The following SPDYE10 variants were observed in gnomAD, a reference collection of about 807,000 sequenced individuals.
SPDYE10 encodes speedy protein E10.
At chr7:73,150,925 T>A in the SPDYE10 span, among the ~76,000 whole-genome samples, 1 of 21,094 alleles carries the variant, frequency 4.7e-5, no homozygotes, top group Non-Finnish European at 7.9e-5. Flanking sequence ...TATATATATA[T>A]ATATATATAT....
chr7:73,123,872 C>T, the SPDYE10 span, among the ~76,000 whole-genome samples: 86 of 144,972 alleles, frequency 5.9e-4, no homozygotes, highest in Non-Finnish European at 2.8e-4. Context: ...ACAACCTCTG[C>T]CTCAAGAGTC....
At chr7:73,134,545 G>GAAAGAAAGAAAGA in the SPDYE10 span, among the ~76,000 whole-genome samples, 10 of 152,068 alleles carry the variant, frequency 6.6e-5, no homozygotes, top group South Asian at 2.1e-4. Context: ...GAAAAAGAAA[G>GAAAGAAAGAAAGA]AAAGAAAGAA....
the SPDYE10 span, among the ~76,000 whole-genome samples, chr7:73,149,664 C>A: frequency 2.0e-5 from 3 of 151,462 alleles, no homozygotes; most frequent in Non-Finnish European, 4.4e-5. Context: ...ATGTGTGTGG[C>A]TGCACTCAGT....
the SPDYE10 span, among the ~76,000 whole-genome samples, chr7:73,135,942 G>A: frequency 4.8e-5 from 2 of 41,700 alleles, no homozygotes; most frequent in African/African-American, 2.6e-4. Context: ...ATGCAATGGC[G>A]TGATCTCGGC....
the SPDYE10 span, among the ~76,000 whole-genome samples, chr7:73,137,926 G>GGGGAA: frequency 7.0e-6 from 1 of 142,382 alleles, no homozygotes; most frequent in Non-Finnish European, 1.5e-5. Context: ...GGGAAGGGGA[G>GGGGAA]GGGAAGGGAA....
At chr7:73,123,788 C>CCTCTCTCTCTCTCTCTCTCTCTCTCTCT in the SPDYE10 span, among the ~76,000 whole-genome samples, 48 of 97,420 alleles carry the variant, frequency 4.9e-4, no homozygotes, top group East Asian at 9.7e-4. Flanking sequence ...TCTCTCTCTC[C>CCTCTCTCTCTCTCTCTCTCTCTCTCTCT]CTCTCTCTCT....
chr7:73,135,130 G>A, the SPDYE10 span, among the ~76,000 whole-genome samples: 1 of 152,160 alleles, frequency 6.6e-6, no homozygotes, highest in Non-Finnish European at 1.5e-5. Flanking sequence ...TCAGCCCTGG[G>A]GCAGCCCTGG....
the SPDYE10 span, chr7:73,154,962 C>G: frequency 6.7e-6 from 1 of 149,932 alleles, no homozygotes; most frequent in Admixed American, 6.6e-5. Flanking sequence ...GCTCCCCCCG[C>G]GCCGGGCGCC....
At chr7:73,126,678 CT>C in the SPDYE10 span, among the ~76,000 whole-genome samples, 7 of 129,628 alleles carry the variant, frequency 5.4e-5, no homozygotes, top group African/African-American at 1.0e-4. Context: ...AATTTTTTTT[CT>C]TTTTTTTTCT....
chr7:73,134,523 A>AG, the SPDYE10 span, among the ~76,000 whole-genome samples: 7 of 5,058 alleles, frequency 1.4e-3, 1 homozygote, highest in African/African-American at 4.3e-3. Flanking sequence ...AGTATAATAA[A>AG]AAAGAAAGAA....
chr7:73,113,705 C>G, the SPDYE10 span, among the ~76,000 whole-genome samples: 2 of 152,002 alleles, frequency 1.3e-5, no homozygotes, highest in African/African-American at 2.4e-5. Flanking sequence ...AGCAGCCTGG[C>G]CAACATGGTG....
the SPDYE10 span, among the ~76,000 whole-genome samples, chr7:73,114,191 A>AC: frequency 3.0e-5 from 1 of 33,188 alleles, no homozygotes; most frequent in Non-Finnish European, 9.6e-5. Flanking sequence ...ACTCTGTCTC[A>AC]AAAGAAAGAA....
chr7:73,154,643 AC>A, the SPDYE10 span, among the ~76,000 whole-genome samples: 2 of 148,192 alleles, frequency 1.3e-5, no homozygotes, highest in African/African-American at 2.6e-5. Flanking sequence ...AGCACCTAGT[AC>A]CGAGCCTGAC....
At chr7:73,107,536 GC>G in the SPDYE10 span, among the ~76,000 whole-genome samples, 1 of 37,058 alleles carries the variant, frequency 2.7e-5, no homozygotes, top group African/African-American at 9.2e-5. Flanking sequence ...TGGGAGGATC[GC>G]TTGAGCCCAG....
chr7:73,134,527 G>GAAAC, the SPDYE10 span, among the ~76,000 whole-genome samples: 1 of 12,490 alleles, frequency 8.0e-5, no homozygotes, highest in Admixed American at 1.1e-3. Context: ...TAATAAAAAA[G>GAAAC]AAAGAAAGAA....
the SPDYE10 span, among the ~76,000 whole-genome samples, chr7:73,120,686 G>A: frequency 2.3e-5 from 3 of 128,690 alleles, no homozygotes; most frequent in Non-Finnish European, 1.6e-5. Flanking sequence ...TATTCAGGAG[G>A]CTGAGGCAGG....
At chr7:73,134,559 AAG>A in the SPDYE10 span, among the ~76,000 whole-genome samples, 3 of 152,112 alleles carry the variant, frequency 2.0e-5, no homozygotes, top group African/African-American at 7.3e-5. Flanking sequence ...GAAAGAAAGA[AAG>A]AAAGAAACCG....
chr7:73,113,828 G>A, the SPDYE10 span, among the ~76,000 whole-genome samples: 2 of 152,072 alleles, frequency 1.3e-5, no homozygotes, highest in South Asian at 2.1e-4. Context: ...GAGATCAGGA[G>A]ATCGAGACCA....
At chr7:73,114,893 G>T in the SPDYE10 span, among the ~76,000 whole-genome samples, 1 of 146,142 alleles carries the variant, frequency 6.8e-6, no homozygotes, top group Non-Finnish European at 1.5e-5. Flanking sequence ...CTCCACAGCG[G>T]GTCATCTGAT....
Sources: allele counts gnomAD v4.1 joint callset (sites outside exome capture counted in the v4.1 genomes callset), GRCh38; gene constraint gnomAD v4.1.1; transcripts MANE v1.5; gene names NCBI Gene and HGNC (gene_info 2026-07-23, HGNC 2026-07-21).